Variants in ABHD6 observed in about 807,000 individuals in gnomAD.
ABHD6 encodes abhydrolase domain containing 6, acylglycerol lipase.
Under a neutral mutation model 38.8 loss-of-function variants are expected in ABHD6, and 33 were observed. That is an observed-to-expected ratio of 0.85 (90% CI 0.64 to 1.14). The LOEUF is 1.14. Among genes scored for constraint, ABHD6 ranks in the 50% most tolerant of loss-of-function variants. ABHD6 has a pLI of 0.00. For synonymous variants in ABHD6, 147 were observed against 161.6 expected, an observed-to-expected ratio of 0.91 and a Z score of 0.69; for missense variants, 380 against 422.6, an observed-to-expected ratio of 0.90 and a Z score of 0.88.
Position 58,265,630 on chromosome 3 carries a change from G to A in ABHD6, c.120-1559G>A, listed in dbSNP as rs2097440398. On this transcript the variant is annotated intron_variant, in intron 3 of 9. Transcript: ENST00000478253. The surrounding 1 kb of genome is among the most constrained non-coding windows in gnomAD (Gnocchi z 4.2). The stretch of plus-strand genomic sequence containing the variant: ...CATATTATAAGATTATATAGTTAGT[G>A]TCTTATTCCATTTTGTGTTGCTACA... 6.6e-6 allele frequency among the ~76,000 whole-genome samples: 1 copy of A among 152,186 alleles called. No individual in the cohort carries two copies. Among genetic ancestry groups the A allele is most frequent in the Non-Finnish European group, 1.5e-5 (1 of 68,040 alleles).
chr3:58,263,802 C>T lies in ABHD6; in HGVS notation c.120-3387C>T, dbSNP rs931978660. Among the ~76,000 whole-genome samples the T allele has an allele frequency of 2.6e-5, 4 of 151,998 alleles. No homozygotes were observed. Among genetic ancestry groups the T allele is most frequent in the South Asian group, 2.1e-4 (1 of 4,806 alleles). ...GATGATTATAAAAACGTAACCCATT[C>T]GAGCCCCACTCCCAGTACCAAAAAT... On this transcript the variant is annotated intron_variant, in intron 3 of 9. Coordinates refer to ENST00000478253, the MANE Select transcript of ABHD6 (RefSeq NM_001320126.2). This position sits in a 1 kb window ranked among gnomAD's most constrained non-coding sequence, Gnocchi z 4.9.
Position 58,267,236 on chromosome 3 carries a change from A to G in ABHD6, c.167A>G (p.Glu56Gly), listed in dbSNP as rs1156804615. ...ATGCAAGTCCGCTATGTTCACCATG[A>G]AGACTATCAGTTCTGTTATTCCTTC... The part of the protein sequence containing the change: ...LGMQVRYVHH[E>G]DYQFCYSFRG... The change falls in exon 4 of 10, where the codon GAA becomes GGA. Residue 56 changes from glutamate to glycine, a missense_variant. Physicochemically the swap from Glu to Gly is moderately conservative, Grantham distance 98. Coordinates refer to ENST00000478253, the MANE Select transcript of ABHD6 (RefSeq NM_001320126.2). The surrounding 1 kb of genome is among the most constrained non-coding windows in gnomAD (Gnocchi z 4.3). The G allele has an allele frequency of 6.2e-7, 1 of 1,614,086 alleles. No homozygotes were observed. Among genetic ancestry groups the G allele is most frequent in the Non-Finnish European group, 8.5e-7 (1 of 1,180,028 alleles).
chr3:58,272,288 A>G (rs2097445638), intron 6 of ABHD6, among the ~76,000 whole-genome samples: 1 of 152,206 alleles, frequency 6.6e-6, no homozygotes, highest in South Asian at 2.1e-4. Context: ...AAACCACAGT[A>G]GGAACAGAGC....
rs1480804278 is a variant in ABHD6, at chr3:58,267,055, G to C, written c.120-134G>C. The stretch of plus-strand genomic sequence containing the variant: ...AAAGCTCAGGAGGACTCTAGAGACT[G>C]ATGGAGGACAAGGGCTGGAGAAGTG... On this transcript the variant is annotated intron_variant, in intron 3 of 9. Transcript: ENST00000478253. The surrounding 1 kb of genome is among the most constrained non-coding windows in gnomAD (Gnocchi z 4.3). 1 of 966,100 alleles carries C rather than the reference G, an allele frequency of 1.0e-6. No homozygotes were observed. Among genetic ancestry groups the C allele is most frequent in the East Asian group, 2.4e-5 (1 of 40,974 alleles). The allele number at this position is 966,100 out of a possible 1,614,324, so 59.8% of individuals were successfully genotyped here.
At chr3:58,264,522 T>C (rs2097439569) in intron 3 of ABHD6, among the ~76,000 whole-genome samples, 1 of 151,630 alleles carries the variant, frequency 6.6e-6, no homozygotes, top group South Asian at 2.1e-4. Flanking sequence ...AGACCCAGTC[T>C]CTACCTAAAA....
chr3:58,288,762 T>C (rs1386798170), intron 9 of ABHD6, among the ~76,000 whole-genome samples: 1 of 152,182 alleles, frequency 6.6e-6, no homozygotes, highest in East Asian at 1.9e-4. Flanking sequence ...CCTACCCTTA[T>C]AGTGCATAAC....
chr3:58,256,693 G>T lies in ABHD6; in HGVS notation c.107G>T (p.Arg36Ile). 1.9e-6 allele frequency: 3 copies of T among 1,611,820 alleles called. No individual in the cohort carries two copies. In the African/African-American group the frequency reaches 4.0e-5, roughly 22 times the overall value. ...SFLLWPSALIRIYYWYWRRTL... is the reference protein window; with the variant it reads ...SFLLWPSALIIIYYWYWRRTL... ...CTTCTGTGGCCTTCAGCACTGATAA[G>T]AATCTATTATTGGTAAGCCAGTTTT... Residue 36 changes from arginine (R) to isoleucine (I), a missense_variant, in exon 3 of 10, where the codon AGA becomes ATA. By Grantham distance (97) the Arg-to-Ile change is moderately conservative. Coordinates refer to ENST00000478253, the MANE Select transcript of ABHD6 (RefSeq NM_001320126.2). This position sits in a 1 kb window ranked among gnomAD's most constrained non-coding sequence, Gnocchi z 4.3.
At position 58,274,791 on chromosome 3, in the gene ABHD6, T is replaced by C; in HGVS notation, c.657T>C (p.Tyr219=). Residue 219 remains tyrosine, a synonymous_variant, in exon 7 of 10, where the codon TAT becomes TAC. Transcript: ENST00000478253. ...GTGAAATGCTTCAGCTCTGCTCCTA[T>C]GTCCGCTTCAAGGTGCCCCAGCAGG... ...EMSEMLQLCS[Y]VRFKVPQQIL... 2 of 1,614,152 alleles carry C rather than the reference T, an allele frequency of 1.2e-6. No homozygotes were observed. The highest frequency in any genetic ancestry group is 1.1e-5 in the South Asian group (1 of 91,068).
At chr3:58,253,825 A>T (rs144031471) in intron 2 of ABHD6, among the ~76,000 whole-genome samples, 3 of 152,214 alleles carry the variant, frequency 2.0e-5, no homozygotes, top group Non-Finnish European at 1.5e-5. Context: ...AGACAAAGAC[A>T]GTGCTTATGC....
chr3:58,248,375 T>C (rs1419735238), intron 1 of ABHD6, among the ~76,000 whole-genome samples: 1 of 152,186 alleles, frequency 6.6e-6, no homozygotes, highest in African/African-American at 2.4e-5. Context: ...TCACACATAA[T>C]CAGGCATAAA....
At chr3:58,281,153 T>A (rs2097452881) in intron 7 of ABHD6, among the ~76,000 whole-genome samples, 1 of 152,230 alleles carries the variant, frequency 6.6e-6, no homozygotes, top group South Asian at 2.1e-4. Context: ...GACATTTAAG[T>A]CTGCAGAAAT....
At chr3:58,264,046 CATAA>C (rs1350211610) in intron 3 of ABHD6, among the ~76,000 whole-genome samples, 2 of 151,984 alleles carry the variant, frequency 1.3e-5, no homozygotes, top group African/African-American at 4.8e-5. Flanking sequence ...GACATCATGT[CATAA>C]ATATTTTTCC....
At chr3:58,240,573 T>A (rs1436147061) in intron 1 of ABHD6, among the ~76,000 whole-genome samples, 1 of 152,046 alleles carries the variant, frequency 6.6e-6, no homozygotes, top group Non-Finnish European at 1.5e-5. Flanking sequence ...TAAAAAAATT[T>A]TTTTTTTAAG....
intron 5 of ABHD6, 106 bp from the exon 6 acceptor site, chr3:58,270,826 T>A (rs1303645872): frequency 7.8e-7 from 1 of 1,283,140 alleles, no homozygotes; most frequent in Non-Finnish European, 1.1e-6. Flanking sequence ...TAAACAGTAG[T>A]CATTTTCAGT....
chr3:58,258,352 T>A (rs1443803841), intron 3 of ABHD6: 1 of 436,084 alleles, frequency 2.3e-6, no homozygotes, highest in African/African-American at 2.0e-5. Context: ...ATAAACACAG[T>A]GACATTAAAC....
chr3:58,247,122 A>G (rs2097426982), intron 1 of ABHD6, among the ~76,000 whole-genome samples: 1 of 151,742 alleles, frequency 6.6e-6, no homozygotes, highest in Non-Finnish European at 1.5e-5. Context: ...TCCTGGGTTA[A>G]AGGGATTCTA....
rs1325075444 is a variant in ABHD6 at position 58,263,372 on chromosome 3, G to A, written c.120-3817G>A. ...GCCACTGCACTCCAGCCTAGGCAAC[G>A]AGAGTGAAACTCCATCTCAAAAAAA... On this transcript the variant is annotated intron_variant, in intron 3 of 9. Coordinates refer to ENST00000478253, the MANE Select transcript of ABHD6 (RefSeq NM_001320126.2). This position sits in a 1 kb window ranked among gnomAD's most constrained non-coding sequence, Gnocchi z 4.9. 2.0e-5 allele frequency among the ~76,000 whole-genome samples: 3 copies of A among 149,368 alleles called. No homozygotes were observed. The highest frequency in any genetic ancestry group is 3.0e-5 in the Non-Finnish European group (2 of 67,604).
rs2097434190 is a variant in ABHD6 at position 58,257,450 on chromosome 3, C to T, written c.119+745C>T. On this transcript the variant is annotated intron_variant, in intron 3 of 9. Transcript: ENST00000478253. The surrounding 1 kb of genome is among the most constrained non-coding windows in gnomAD (Gnocchi z 4.8). ...TCATCTCGGCTCACTGCAACCTCTGCCTCCCAGGCTCAAGCGATTCTCTTG... is the reference window on the plus strand; with the variant it reads ...TCATCTCGGCTCACTGCAACCTCTGTCTCCCAGGCTCAAGCGATTCTCTTG... 6.6e-6 allele frequency among the ~76,000 whole-genome samples: 1 copy of T among 151,830 alleles called. No individual in the cohort carries two copies. Among genetic ancestry groups the T allele is most frequent in the Non-Finnish European group, 1.5e-5 (1 of 67,976 alleles).
Position 58,293,501 on chromosome 3 carries a change from C to T in ABHD6, c.838-88C>T. 6.9e-7 allele frequency: 1 copy of T among 1,449,800 alleles called. No individual in the cohort carries two copies. Among genetic ancestry groups the T allele is most frequent in the South Asian group, 1.3e-5 (1 of 76,458 alleles). The allele number at this position is 1,449,800 out of a possible 1,614,324, so 89.8% of individuals were successfully genotyped here. ...ATCCTCCTGCCCCACTGACCCCTGC[C>T]AGGCCTTGGTGGAAGTTCTGTCCAC... On this transcript the variant is annotated intron_variant, in intron 9 of 9. Coordinates refer to ENST00000478253, the MANE Select transcript of ABHD6 (RefSeq NM_001320126.2). The surrounding 1 kb of genome is among the most constrained non-coding windows in gnomAD (Gnocchi z 4.4).
Sources: gnomAD v4.1 joint callset for allele counts (sites outside exome capture counted in the v4.1 genomes callset) on GRCh38, gnomAD v4.1.1 for gene constraint, Gnocchi (gnomAD v3.1) non-coding constraint, MANE v1.5 for transcripts, NCBI Gene and HGNC (gene_info 2026-07-23, HGNC 2026-07-21) for gene names.